BTBD9: variants seen among roughly 807,000 people sequenced by gnomAD.
BTBD9 encodes BTB domain containing 9, also known as BTB/POZ domain-containing protein 9.
BTBD9 carries 49 observed loss-of-function variants against 64.3 expected under a neutral mutation model. That is an observed-to-expected ratio of 0.76 (90% CI 0.61 to 0.97). BTBD9 has a LOEUF of 0.97. Among genes scored for constraint, BTBD9 ranks in the 50% least tolerant of loss-of-function variants. BTBD9 has a pLI of 0.00. For missense variants in BTBD9, 598 were observed against 762.1 expected, an observed-to-expected ratio of 0.78 and a Z score of 2.53; for synonymous variants, 260 against 274.7, an observed-to-expected ratio of 0.95 and a Z score of 0.53.
At chr6:38,365,751 C>G (rs1765157620) in intron 6 of BTBD9, among the ~76,000 whole-genome samples, 1 of 128,668 alleles carries the variant, frequency 7.8e-6, no homozygotes, top group East Asian at 2.4e-4. Context: ...AGAGCAAGAT[C>G]CTGACTCAAA....
At chr6:38,216,527 G>A (rs79131520) in intron 9 of BTBD9, among the ~76,000 whole-genome samples, 1 of 152,342 alleles carries the variant, frequency 6.6e-6, no homozygotes, top group Non-Finnish European at 1.5e-5. Context: ...CCCTGGAGAA[G>A]TGGATTTTCT....
rs537638332 is a variant in BTBD9 at position 38,175,033 on chromosome 6, G to A, written c.1791C>T (p.Pro597=). The A allele has an allele frequency of 2.5e-6, 4 of 1,614,148 alleles. No homozygotes were observed. In the Admixed American group the frequency reaches 6.7e-5, roughly 27 times the overall value. Residue 597 remains proline (P), a synonymous_variant, in exon 11 of 11, where the codon CCC becomes CCT. Transcript: ENST00000481247. ...ALRAPSGSSL[P]SSPGSNSRSP... ...AGCGTGAGTTGGAGCCTGGGCTGGA[G>A]GGTAGTGAGCTGCCACTAGGCGCCC...
At chr6:38,584,432 A>C (rs996516634) in intron 4 of BTBD9, among the ~76,000 whole-genome samples, 1 of 152,228 alleles carries the variant, frequency 6.6e-6, no homozygotes, top group Non-Finnish European at 1.5e-5. Flanking sequence ...ACAGCTAGGT[A>C]GAGATTGCTA....
intron 10 of BTBD9, among the ~76,000 whole-genome samples, chr6:38,183,644 T>C (rs549647923): frequency 7.2e-5 from 11 of 152,342 alleles, no homozygotes; most frequent in Non-Finnish European, 4.4e-5. Flanking sequence ...AATCCTTAAA[T>C]CCAAGTTTTT....
chr6:38,339,538 T>C (rs932115547), intron 7 of BTBD9, among the ~76,000 whole-genome samples: 4 of 152,168 alleles, frequency 2.6e-5, no homozygotes, highest in African/African-American at 7.2e-5. Context: ...ATGTATGGTA[T>C]ATAGTGTGCT....
chr6:38,343,073 A>G (rs1206352177), intron 7 of BTBD9, among the ~76,000 whole-genome samples: 2 of 152,206 alleles, frequency 1.3e-5, no homozygotes, highest in Non-Finnish European at 2.9e-5. Context: ...CTGAGGGACA[A>G]TAAGAGGCAG....
chr6:38,589,733 C>CA (rs1389953346), intron 4 of BTBD9, among the ~76,000 whole-genome samples: 1 of 152,136 alleles, frequency 6.6e-6, no homozygotes, highest in Non-Finnish European at 1.5e-5. Flanking sequence ...ATCTTCTGTC[C>CA]AGATTACTTA....
intron 9 of BTBD9, among the ~76,000 whole-genome samples, chr6:38,252,716 G>A (rs1201653470): frequency 6.6e-6 from 1 of 152,190 alleles, no homozygotes; most frequent in Non-Finnish European, 1.5e-5. Flanking sequence ...TCTAATGAGT[G>A]AACAAGACTT....
intron 9 of BTBD9, among the ~76,000 whole-genome samples, chr6:38,228,094 G>A (rs1323906815): frequency 6.6e-6 from 1 of 152,110 alleles, no homozygotes; most frequent in Non-Finnish European, 1.5e-5. Flanking sequence ...AGGCACAGTG[G>A]CTCAAACCTG....
intron 1 of BTBD9, among the ~76,000 whole-genome samples, chr6:38,605,897 CA>C (rs1777415842): frequency 6.6e-6 from 1 of 152,052 alleles, no homozygotes; most frequent in African/African-American, 2.4e-5. Context: ...AGGGTGTTGC[CA>C]AAGAAGATTA....
intron 6 of BTBD9, among the ~76,000 whole-genome samples, chr6:38,440,189 A>G (rs1768963509): frequency 6.6e-6 from 1 of 152,144 alleles, no homozygotes; most frequent in African/African-American, 2.4e-5. Flanking sequence ...GAGGTCACCA[A>G]ATTTGAGCAT....
intron 6 of BTBD9, among the ~76,000 whole-genome samples, chr6:38,451,863 A>G (rs941208047): frequency 6.6e-6 from 1 of 152,108 alleles, no homozygotes; most frequent in Non-Finnish European, 1.5e-5. Flanking sequence ...ATGTACCTGA[A>G]AAATACTGTC....
At chr6:38,355,910 G>T (rs1333317492) in intron 6 of BTBD9, among the ~76,000 whole-genome samples, 2 of 152,114 alleles carry the variant, frequency 1.3e-5, no homozygotes, top group Non-Finnish European at 2.9e-5. Flanking sequence ...TTAAGACGTG[G>T]TCTGAACATT....
At chr6:38,523,423 C>T (rs919974351) in intron 6 of BTBD9, among the ~76,000 whole-genome samples, 1 of 152,252 alleles carries the variant, frequency 6.6e-6, no homozygotes, top group South Asian at 2.1e-4. Flanking sequence ...AAACTCCAGA[C>T]AGTTTGGACT....
Position 38,580,249 on chromosome 6 carries a change from T to C in BTBD9, c.1003A>G (p.Ile335Val). ...TCTCGGTCCCACAAGAGTATCCGTA[T>C]GTGATTGATAATGGATGGCTGACCT... ...KLGQPSIINH[I>V]RILLWDRDSR... Residue 335 changes from isoleucine (I) to valine (V), a missense_variant, in exon 5 of 11, where the codon ATA (isoleucine) becomes GTA (valine). Ile to Val is a conservative substitution (Grantham distance 29, BLOSUM62 3). Coordinates refer to ENST00000481247, the MANE Select transcript of BTBD9 (RefSeq NM_001099272.2). The C allele has an allele frequency of 1.2e-6, 2 of 1,614,230 alleles. No individual in the cohort carries two copies. Among genetic ancestry groups the C allele is most frequent in the Non-Finnish European group, 1.7e-6 (2 of 1,180,032 alleles).
chr6:38,201,343 C>G (rs1387629453), intron 9 of BTBD9, among the ~76,000 whole-genome samples: 2 of 152,122 alleles, frequency 1.3e-5, no homozygotes, highest in African/African-American at 4.8e-5. Flanking sequence ...GGACAAAAAC[C>G]ATATGATCAT....
At chr6:38,367,268 T>G (rs1280644653) in intron 6 of BTBD9, among the ~76,000 whole-genome samples, 1 of 152,222 alleles carries the variant, frequency 6.6e-6, no homozygotes, top group East Asian at 1.9e-4. Flanking sequence ...GTCCATCTTT[T>G]TTCATAAGCA....
At chr6:38,340,309 G>A (rs2127587330) in intron 7 of BTBD9, among the ~76,000 whole-genome samples, 1 of 152,198 alleles carries the variant, frequency 6.6e-6, no homozygotes, top group South Asian at 2.1e-4. Flanking sequence ...ACGGTATCAA[G>A]CCTTCAGGAA....
chr6:38,424,341 G>A (rs1327203372), intron 6 of BTBD9, among the ~76,000 whole-genome samples: 2 of 151,770 alleles, frequency 1.3e-5, no homozygotes, highest in Admixed American at 6.6e-5. Context: ...GGAAGCAATT[G>A]GGAAATTCTC....
Sources: gnomAD v4.1 joint callset for allele counts (sites outside exome capture counted in the v4.1 genomes callset) on GRCh38, gnomAD v4.1.1 for gene constraint, MANE v1.5 for transcripts, NCBI Gene and HGNC (gene_info 2026-07-23, HGNC 2026-07-21) for gene names.